CEP70: variants seen among roughly 807,000 people sequenced by gnomAD.
The protein encoded by CEP70 is centrosomal protein 70, also known as centrosomal protein of 70 kDa.
Under a neutral mutation model 90.9 loss-of-function variants are expected in CEP70, and 70 were observed. That is an observed-to-expected ratio of 0.77 (90% CI 0.64 to 0.94). The LOEUF (loss-of-function observed/expected upper bound fraction) is 0.94, where lower values mean the gene tolerates loss of function less well. CEP70 is among the 40% of genes least tolerant of loss of function. The probability of loss-of-function intolerance (pLI) is 0.00; values close to 1 mark genes in which losing one functional copy is unlikely to be tolerated. For missense variants in CEP70, 648 were observed against 669.0 expected (o/e 0.97, Z 0.35); for synonymous variants, 220 against 228.3 (o/e 0.96, Z 0.33).
chr3:138,519,449 A>G (rs575816291), intron 11 of CEP70, among the ~76,000 whole-genome samples: 1 of 152,348 alleles, frequency 6.6e-6, no homozygotes, highest in East Asian at 1.9e-4. Flanking sequence ...CGGGTTACCT[A>G]CAAAGGGAAG....
chr3:138,531,373 C>T (rs2037796736), intron 8 of CEP70: 1 of 152,046 alleles, frequency 6.6e-6, no homozygotes, highest in Admixed American at 6.6e-5. Context: ...CCCCAAATCC[C>T]CTCTTCATCA....
At chr3:138,498,459 T>C (rs1436373097) in intron 16 of CEP70, among the ~76,000 whole-genome samples, 1 of 150,800 alleles carries the variant, frequency 6.6e-6, no homozygotes, top group Non-Finnish European at 1.5e-5. Context: ...TGCCTCAGCC[T>C]CTCGAGTAGC....
At chr3:138,501,353 A>T (rs1245120997) in intron 13 of CEP70, among the ~76,000 whole-genome samples, 1 of 152,198 alleles carries the variant, frequency 6.6e-6, no homozygotes, top group Non-Finnish European at 1.5e-5. Flanking sequence ...ATTTTCACAC[A>T]TGTACAAACA....
At chr3:138,587,376 G>C (rs535245046) in intron 2 of CEP70, among the ~76,000 whole-genome samples, 2 of 151,996 alleles carry the variant, frequency 1.3e-5, no homozygotes, top group East Asian at 3.9e-4. Context: ...AGTGGTAATT[G>C]AAAAAGAAAA....
intron 3 of CEP70, 68 bp from the exon 4 acceptor site, chr3:138,571,424 A>G (rs2041169109): frequency 9.5e-7 from 1 of 1,052,002 alleles, no homozygotes. Flanking sequence ...CTCATATATA[A>G]TTTCCTGCAT....
chr3:138,580,340 A>G (rs920786602), intron 2 of CEP70, among the ~76,000 whole-genome samples: 1 of 152,154 alleles, frequency 6.6e-6, no homozygotes, highest in Non-Finnish European at 1.5e-5. Context: ...CATTTGTTTC[A>G]GAGAAAGCAA....
chr3:138,498,822 G>A (rs2034199353), intron 16 of CEP70, among the ~76,000 whole-genome samples: 1 of 151,866 alleles, frequency 6.6e-6, no homozygotes, highest in Non-Finnish European at 1.5e-5. Context: ...CAAGGCAGGA[G>A]GATCACTTGA....
At chr3:138,561,199 A>T (rs1352950109) in intron 6 of CEP70, among the ~76,000 whole-genome samples, 1 of 152,084 alleles carries the variant, frequency 6.6e-6, no homozygotes, top group Admixed American at 6.6e-5. Context: ...GAAGGAACAG[A>T]CAGCAATCTT....
At chr3:138,549,769 C>T (rs533334051) in intron 6 of CEP70, among the ~76,000 whole-genome samples, 74 of 152,200 alleles carry the variant, frequency 4.9e-4, no homozygotes, top group African/African-American at 1.7e-3. Context: ...GTAAAAATAG[C>T]GCATTAAACA....
At chr3:138,588,889 AC>A in intron 2 of CEP70, among the ~76,000 whole-genome samples, 2 of 152,388 alleles carry the variant, frequency 1.3e-5, no homozygotes, top group South Asian at 4.1e-4. Context: ...TGGATGGAAT[AC>A]CCCTCAGCAA....
intron 6 of CEP70, among the ~76,000 whole-genome samples, chr3:138,547,278 G>T (rs1164040170): frequency 6.6e-6 from 1 of 152,098 alleles, no homozygotes; most frequent in African/African-American, 2.4e-5. Flanking sequence ...TTATCCATGG[G>T]GGATACATTC....
chr3:138,578,897 A>G (rs1281837172), intron 2 of CEP70, among the ~76,000 whole-genome samples: 1 of 152,218 alleles, frequency 6.6e-6, no homozygotes, highest in African/African-American at 2.4e-5. Flanking sequence ...ACAAAAAAGC[A>G]CCTTCATAAG....
intron 1 of CEP70, chr3:138,593,659 G>T (rs995809934): frequency 6.6e-6 from 1 of 152,188 alleles, no homozygotes; most frequent in African/African-American, 2.4e-5. Context: ...AAAGTCAGAG[G>T]TCTCCTGAAT....
rs2037107052 is a variant in CEP70, at chr3:138,525,297, G to A, written c.944+193C>T. 2.6e-5 allele frequency among the ~76,000 whole-genome samples: 4 copies of A among 152,170 alleles called. 1 individual carries two copies. The South Asian group carries it at 8.3e-4, about 32-fold the overall frequency. On this transcript the variant is annotated intron_variant, in intron 11 of 17. Coordinates refer to ENST00000264982, the MANE Select transcript of CEP70 (RefSeq NM_024491.4). ...GGGGAGTGGGGAGGGATAGCATTAG[G>A]AGATATACCTAATGTTAAATGACGA...
At chr3:138,543,070 A>T (rs984224797) in intron 6 of CEP70, among the ~76,000 whole-genome samples, 11 of 152,260 alleles carry the variant, frequency 7.2e-5, no homozygotes, top group Non-Finnish European at 1.2e-4. Context: ...GGCATGAAGG[A>T]AGTTCTCACT....
intron 11 of CEP70, among the ~76,000 whole-genome samples, chr3:138,511,117 C>T (rs1419158505): frequency 7.2e-5 from 11 of 152,100 alleles, no homozygotes; most frequent in Admixed American, 5.9e-4. Context: ...GTGATCCGCC[C>T]GCCTTGGCCT....
Position 138,498,012 on chromosome 3 carries a change from T to A in CEP70, c.1732+19A>T, listed in dbSNP as rs1221332629. 5 of 1,611,346 alleles carry A rather than the reference T, an allele frequency of 3.1e-6. No individual in the cohort carries two copies. In the African/African-American group the frequency reaches 6.7e-5, roughly 22 times the overall value. ...CATTTTAAGACTCAAAATTTCACCA[T>A]CACCACCAGAGATCTTACCTAAGAT... On this transcript the variant is annotated intron_variant, in intron 17 of 17. Transcript: ENST00000264982.
chr3:138,505,911 C>T (rs1004709788), intron 12 of CEP70, among the ~76,000 whole-genome samples: 3 of 152,206 alleles, frequency 2.0e-5, no homozygotes, highest in African/African-American at 7.2e-5. Flanking sequence ...GGATGTCAAT[C>T]TCATCCAGAA....
chr3:138,577,131 T>G, intron 2 of CEP70, among the ~76,000 whole-genome samples: 1 of 151,422 alleles, frequency 6.6e-6, no homozygotes. Flanking sequence ...CACTCATAGG[T>G]GGGAACTGAA....
Sources: gnomAD v4.1 joint callset for allele counts (sites outside exome capture counted in the v4.1 genomes callset) on GRCh38, gnomAD v4.1.1 for gene constraint, MANE v1.5 for transcripts, NCBI Gene and HGNC (gene_info 2026-07-23, HGNC 2026-07-21) for gene names.